RGPD8: variants seen among roughly 807,000 people sequenced by gnomAD.
RGPD8 encodes the protein RANBP2 like and GRIP domain containing 8.
A neutral mutation model predicts 89.1 loss-of-function variants in RGPD8; 15 were observed. That is an observed-to-expected ratio of 0.17 (90% CI 0.11 to 0.26). The LOEUF (loss-of-function observed/expected upper bound fraction) is 0.26. Ranked by LOEUF, RGPD8 falls within the 10% of genes least tolerant of loss-of-function variation. The pLI, the probability that RGPD8 is intolerant of heterozygous loss-of-function variation, is 1.00. For missense variants in RGPD8, 178 were observed against 1,179.6 expected (o/e 0.15, Z 12.44); for synonymous variants, 62 against 420.9 (o/e 0.15, Z 10.44).
rs1403798362 is a variant in RGPD8, at chr2:112,371,814, T to C, written c.5264-1602A>G. On this transcript the variant is annotated intron_variant, in intron 22 of 22. Coordinates refer to ENST00000302558, the MANE Select transcript of RGPD8 (RefSeq NM_001164463.1). ...TTCCAGACACCTTTCTGTGTTTTCATACGTATATATGTATGACAGTTTGAC... is the reference window on the plus strand; with the variant it reads ...TTCCAGACACCTTTCTGTGTTTTCACACGTATATATGTATGACAGTTTGAC... Among the ~76,000 whole-genome samples the C allele has an allele frequency of 4.2e-5, 6 of 144,120 alleles. No individual in the cohort carries two copies. In the East Asian group the frequency reaches 8.3e-4, roughly 20 times the overall value. The allele number at this position is 144,120 out of a possible 152,430, so 94.5% of individuals were successfully genotyped here.
chr2:112,425,339 T>C (rs1467884707), intron 1 of RGPD8, among the ~76,000 whole-genome samples: 6 of 150,572 alleles, frequency 4.0e-5, no homozygotes, highest in Non-Finnish European at 7.4e-5. Context: ...CTGTTCTCTC[T>C]ACAGATCAGA....
Position 112,393,023 on chromosome 2 carries a change from A to G in RGPD8, c.2602+1595T>C, listed in dbSNP as rs1298918762. 3 of 490,828 alleles carry G rather than the reference A, an allele frequency of 6.1e-6. No homozygotes were observed. The African/African-American group carries it at 6.2e-5, about 10-fold the overall frequency. The allele number at this position is 490,828 out of a possible 1,614,324, so 30.4% of individuals were successfully genotyped here. On this transcript the variant is annotated intron_variant, in intron 18 of 22. Coordinates refer to ENST00000302558, the MANE Select transcript of RGPD8 (RefSeq NM_001164463.1). ...AGCTCATTAATCTTTAATTTTAATC[A>G]TCTTATTTTAAAAAAACAAGGACCA...
In RGPD8 at chr2:112,402,480, ACT is replaced by A. The variant is rs1375026875; in HGVS notation, c.1277-634_1277-633del. 4.1e-5 allele frequency among the ~76,000 whole-genome samples: 6 copies of A among 147,666 alleles called. No homozygotes were observed. In the East Asian group the frequency reaches 1.2e-3, roughly 29 times the overall value. On this transcript the variant is annotated intron_variant, in intron 9 of 22. Transcript: ENST00000302558. The stretch of plus-strand genomic sequence containing the variant: ...GCTCCAGCCTGGGTGACAGAGCGAG[ACT>A]CTGTCTCAAAAACAAGAAAAGAAAA...
At chr2:112,371,983 AAC>A (rs1215864734) in intron 22 of RGPD8, among the ~76,000 whole-genome samples, 1 of 134,238 alleles carries the variant, frequency 7.4e-6, no homozygotes, top group Non-Finnish European at 1.6e-5. Flanking sequence ...TTAGTACCTT[AAC>A]ACATATTTAT....
At chr2:112,379,334 T>C (rs1678198419) in intron 21 of RGPD8, among the ~76,000 whole-genome samples, 1 of 151,410 alleles carries the variant, frequency 6.6e-6, no homozygotes, top group Non-Finnish European at 1.5e-5. Flanking sequence ...TGGTGGCTCA[T>C]GCCTGTAATC....
intron 19 of RGPD8, 63 bp from the exon 20 acceptor site, chr2:112,390,310 A>G (rs1202133811): frequency 9.3e-7 from 1 of 1,074,762 alleles, no homozygotes; most frequent in African/African-American, 1.8e-5. Flanking sequence ...TGAAATAAAT[A>G]CCTTCTTCAT....
At chr2:112,380,006 T>C (rs1311157786) in intron 21 of RGPD8, among the ~76,000 whole-genome samples, 6 of 151,912 alleles carry the variant, frequency 3.9e-5, no homozygotes, top group Non-Finnish European at 7.4e-5. Flanking sequence ...ACAAGCAGTA[T>C]GACTATATTC....
At chr2:112,370,362 C>CGGGG (rs1677926722) in intron 22 of RGPD8, 150 bp from the exon 23 acceptor site, 2 of 99,382 alleles carry the variant, frequency 2.0e-5, no homozygotes, top group Non-Finnish European at 3.4e-5. Flanking sequence ...GGGGGGGGTT[C>CGGGG]TTTTTTTTTT....
chr2:112,402,187 T>G (rs1238006389), intron 9 of RGPD8, among the ~76,000 whole-genome samples: 2 of 57,094 alleles, frequency 3.5e-5, no homozygotes, highest in Non-Finnish European at 6.6e-5. Context: ...ACAATGGGTT[T>G]TGCTTTAAGT....
chr2:112,430,195 C>T (rs1006856688), intron 1 of RGPD8, among the ~76,000 whole-genome samples: 11 of 152,114 alleles, frequency 7.2e-5, no homozygotes, highest in Non-Finnish European at 1.6e-4. Context: ...ACCAAAACTC[C>T]GACATTCTAG....
At chr2:112,425,680 A>G (rs1679739634) in intron 1 of RGPD8, among the ~76,000 whole-genome samples, 1 of 150,180 alleles carries the variant, frequency 6.7e-6, no homozygotes, top group African/African-American at 2.5e-5. Flanking sequence ...AATCACTTGA[A>G]CCCGGGAGGC....
intron 6 of RGPD8, among the ~76,000 whole-genome samples, chr2:112,415,706 CTG>C: frequency 7.6e-6 from 1 of 132,162 alleles, no homozygotes; most frequent in Non-Finnish European, 1.6e-5. Context: ...GAGCGAGACT[CTG>C]TCTCAAAAAA....
At chr2:112,416,082 C>A (rs1232063180) in intron 6 of RGPD8, among the ~76,000 whole-genome samples, 1 of 108,532 alleles carries the variant, frequency 9.2e-6, no homozygotes, top group African/African-American at 4.0e-5. Flanking sequence ...GAGCAAGACT[C>A]CATCTCAAAA....
intron 1 of RGPD8, among the ~76,000 whole-genome samples, chr2:112,430,263 C>G (rs1679969955): frequency 6.6e-6 from 1 of 152,148 alleles, no homozygotes; most frequent in Admixed American, 6.5e-5. Context: ...GAATACTAAC[C>G]TCTTCATATT....
intron 7 of RGPD8, among the ~76,000 whole-genome samples, chr2:112,411,243 C>T (rs1490213863): frequency 5.0e-5 from 7 of 140,760 alleles, no homozygotes; most frequent in East Asian, 2.0e-4. Flanking sequence ...CTTTTCCTTT[C>T]GAAAGTTATG....
chr2:112,372,923 T>A (rs1391620596), intron 22 of RGPD8, among the ~76,000 whole-genome samples: 1 of 122,648 alleles, frequency 8.2e-6, no homozygotes, highest in Non-Finnish European at 1.6e-5. Flanking sequence ...TGGGCTTTTT[T>A]TCTTTATTTA....
At chr2:112,431,855 GT>G (rs1680055256) in intron 1 of RGPD8, among the ~76,000 whole-genome samples, 1 of 152,188 alleles carries the variant, frequency 6.6e-6, no homozygotes, top group Non-Finnish European at 1.5e-5. Context: ...AGCCAGGCTG[GT>G]CTCGAACTCC....
chr2:112,395,707 C>CT (rs1678806670), intron 17 of RGPD8, among the ~76,000 whole-genome samples: 1 of 139,406 alleles, frequency 7.2e-6, no homozygotes, highest in African/African-American at 2.6e-5. Context: ...ACCATCTACA[C>CT]TGTTAGGTAA....
chr2:112,382,272 T>C (rs539825765), intron 20 of RGPD8, among the ~76,000 whole-genome samples: 3 of 151,782 alleles, frequency 2.0e-5, no homozygotes, highest in Non-Finnish European at 4.4e-5. Context: ...CATCCATCCA[T>C]CCAACCATCC....
Sources: gnomAD v4.1 joint callset for allele counts (sites outside exome capture counted in the v4.1 genomes callset) on GRCh38, gnomAD v4.1.1 for gene constraint, MANE v1.5 for transcripts, NCBI Gene and HGNC (gene_info 2026-07-23, HGNC 2026-07-21) for gene names.